The following UTRN variants were observed in gnomAD, a reference collection of about 807,000 sequenced individuals.
UTRN encodes dystrophin-related protein 1.
In UTRN, 283 loss-of-function variants were observed where a neutral mutation model predicts 463.9. The observed-to-expected ratio is 0.61, with a 90% CI of 0.55 to 0.67. The LOEUF (loss-of-function observed/expected upper bound fraction) is 0.67, where lower values mean the gene tolerates loss of function less well. Ranked by LOEUF, UTRN falls within the 30% of genes least tolerant of loss-of-function variation. The pLI, the probability that UTRN is intolerant of heterozygous loss-of-function variation, is 0.00. For synonymous variants in UTRN, 1,442 were observed against 1,431.5 expected, an observed-to-expected ratio of 1.01 and a Z score of -0.17; for missense variants, 3,922 against 4,084.3, an observed-to-expected ratio of 0.96 and a Z score of 1.08.
chr6:144,340,307 G>T (rs779967283), intron 2 of UTRN, among the ~76,000 whole-genome samples: 2 of 152,218 alleles, frequency 1.3e-5, no homozygotes, highest in Non-Finnish European at 2.9e-5. Flanking sequence ...GCAGGGCGAG[G>T]TATAGTTGTA....
chr6:144,399,610 A>G (rs540392962), intron 2 of UTRN, among the ~76,000 whole-genome samples: 2 of 152,098 alleles, frequency 1.3e-5, no homozygotes, highest in Non-Finnish European at 2.9e-5. Context: ...CCAACTGGAC[A>G]CTCTTAAATT....
chr6:144,700,610 C>A (rs1784489041), intron 53 of UTRN, among the ~76,000 whole-genome samples: 1 of 151,994 alleles, frequency 6.6e-6, no homozygotes, highest in Admixed American at 6.6e-5. Context: ...TCTTGTTGCC[C>A]AGGCTGGAGT....
At chr6:144,697,576 C>T (rs925777240) in intron 52 of UTRN, among the ~76,000 whole-genome samples, 1 of 152,140 alleles carries the variant, frequency 6.6e-6, no homozygotes, top group Admixed American at 6.5e-5. Context: ...TAGTTATAAT[C>T]TATTTGAGAA....
chr6:144,496,924 A>G (rs1203364731), intron 33 of UTRN, among the ~76,000 whole-genome samples: 3 of 152,228 alleles, frequency 2.0e-5, no homozygotes, highest in Non-Finnish European at 4.4e-5. Flanking sequence ...GCTCTAAGGC[A>G]GGAGGCAGTG....
At chr6:144,712,209 AGTC>A (rs1277260962) in intron 53 of UTRN, among the ~76,000 whole-genome samples, 1 of 152,172 alleles carries the variant, frequency 6.6e-6, no homozygotes, top group African/African-American at 2.4e-5. Flanking sequence ...AAGGCCCATT[AGTC>A]AAGCTGTTAC....
At chr6:144,807,972 G>GA (rs1394358667) in intron 65 of UTRN, among the ~76,000 whole-genome samples, 1 of 152,030 alleles carries the variant, frequency 6.6e-6, no homozygotes, top group Non-Finnish European at 1.5e-5. Flanking sequence ...TTATTTTGAA[G>GA]AAAAAACTAA....
chr6:144,373,328 A>T (rs957024492), intron 2 of UTRN, among the ~76,000 whole-genome samples: 4 of 152,236 alleles, frequency 2.6e-5, no homozygotes, highest in Non-Finnish European at 5.9e-5. Context: ...ATGGAGTATT[A>T]TTCAGCCATA....
chr6:144,675,438 T>C (rs1182039724), intron 51 of UTRN, among the ~76,000 whole-genome samples: 1 of 152,220 alleles, frequency 6.6e-6, no homozygotes, highest in Non-Finnish European at 1.5e-5. Context: ...ATGCCAGTTA[T>C]GCTAGCAGTG....
At chr6:144,631,587 A>C (rs1464312638) in intron 51 of UTRN, among the ~76,000 whole-genome samples, 1 of 152,170 alleles carries the variant, frequency 6.6e-6, no homozygotes, top group Non-Finnish European at 1.5e-5. Context: ...GTATTGGAAA[A>C]TTGTGGTAAC....
At position 144,423,545 on chromosome 6, in the gene UTRN, C is replaced by G. The variant is rs755471565; in HGVS notation, c.235-4C>G. The stretch of plus-strand genomic sequence containing the variant: ...TTTACTTGCTTTTTTGTTTTATTTT[C>G]CAGCCAAAGGAACGTGGTTCCACAA... On this transcript the variant is annotated splice_polypyrimidine_tract_variant and splice_region_variant and intron_variant, in intron 4 of 74. Transcript: ENST00000367545. 6.2e-7 allele frequency: 1 copy of G among 1,613,988 alleles called. No homozygotes were observed.
intron 50 of UTRN, among the ~76,000 whole-genome samples, chr6:144,570,538 A>G (rs1390460893): frequency 6.6e-6 from 1 of 152,192 alleles, no homozygotes; most frequent in Non-Finnish European, 1.5e-5. Context: ...TACTTATATA[A>G]CCAACAAAGT....
At chr6:144,349,163 C>T (rs941967936) in intron 2 of UTRN, among the ~76,000 whole-genome samples, 5 of 152,158 alleles carry the variant, frequency 3.3e-5, no homozygotes, top group Admixed American at 6.5e-5. Flanking sequence ...CGCCCGCCAT[C>T]ACGCCCGGCT....
At chr6:144,824,614 C>CTTTTTTTTT (rs34382974) in intron 66 of UTRN, among the ~76,000 whole-genome samples, 1 of 30,878 alleles carries the variant, frequency 3.2e-5, no homozygotes, top group African/African-American at 1.1e-4. Context: ...ATATATATAT[C>CTTTTTTTTT]TTTTTTTTTT....
chr6:144,767,022 C>T (rs6927968), intron 58 of UTRN, among the ~76,000 whole-genome samples: 2,520 of 151,732 alleles, frequency 0.017, 67 homozygotes, highest in African/African-American at 0.058. Context: ...AGAAAGGAGT[C>T]CTCATCTAGT....
intron 2 of UTRN, among the ~76,000 whole-genome samples, chr6:144,298,015 C>A (rs1173961512): frequency 1.3e-5 from 2 of 152,150 alleles, no homozygotes; most frequent in African/African-American, 4.8e-5. Flanking sequence ...AGTCAACATG[C>A]AAGACTATTT....
At chr6:144,403,832 G>A (rs1783141290) in intron 3 of UTRN, among the ~76,000 whole-genome samples, 1 of 152,148 alleles carries the variant, frequency 6.6e-6, no homozygotes, top group South Asian at 2.1e-4. Context: ...AGTTATTGGT[G>A]TTGGAATTTT....
chr6:144,311,645 C>G (rs1428304900), intron 2 of UTRN: 2 of 152,212 alleles, frequency 1.3e-5, no homozygotes, highest in Non-Finnish European at 2.9e-5. Context: ...TCCAGAAAAC[C>G]TAATTGTTAA....
chr6:144,556,343 C>G (rs979398473), intron 49 of UTRN, among the ~76,000 whole-genome samples: 75 of 152,154 alleles, frequency 4.9e-4, no homozygotes, highest in Non-Finnish European at 7.1e-4. Flanking sequence ...ATACTGCTGA[C>G]TGTTTCCACC....
intron 49 of UTRN, among the ~76,000 whole-genome samples, chr6:144,555,565 G>A (rs1799305478): frequency 6.6e-6 from 1 of 152,190 alleles, no homozygotes. Context: ...CAAGTAGCTG[G>A]GATGACAGGC....
Sources: allele counts gnomAD v4.1 joint callset (sites outside exome capture counted in the v4.1 genomes callset), GRCh38; gene constraint gnomAD v4.1.1; transcripts MANE v1.5; gene names NCBI Gene and HGNC (gene_info 2026-07-23, HGNC 2026-07-21).